MEF2A: variants seen among roughly 807,000 people sequenced by gnomAD.
The protein encoded by MEF2A is myocyte-specific enhancer factor 2A.
MEF2A carries 28 observed loss-of-function variants against 55.8 expected under a neutral mutation model. That is an observed-to-expected ratio of 0.50 (90% CI 0.37 to 0.69). MEF2A has a LOEUF of 0.69. MEF2A is among the 30% of genes least tolerant of loss of function. MEF2A has a pLI of 0.00. For synonymous variants in MEF2A, 239 were observed against 227.1 expected, an observed-to-expected ratio of 1.05 and a Z score of -0.47; for missense variants, 528 against 626.2, an observed-to-expected ratio of 0.84 and a Z score of 1.67.
chr15:99,688,524 G>A (rs552126286), intron 7 of MEF2A, among the ~76,000 whole-genome samples: 5 of 152,258 alleles, frequency 3.3e-5, no homozygotes, highest in African/African-American at 1.2e-4. Flanking sequence ...TTGGGAGGCC[G>A]AGGCGGGCAG....
chr15:99,619,528 A>T (rs1164739980), intron 2 of MEF2A, among the ~76,000 whole-genome samples: 1 of 152,196 alleles, frequency 6.6e-6, no homozygotes, highest in Non-Finnish European at 1.5e-5. Flanking sequence ...TGTGAAGTGT[A>T]TTGCTGTTGT....
rs200303929 is a variant in MEF2A at position 99,621,326 on chromosome 15, CT to C, written c.-142-11648del. On this transcript the variant is annotated intron_variant, in intron 2 of 11. Coordinates refer to ENST00000557942, the MANE Select transcript of MEF2A (RefSeq NM_001319206.4). Reference sequence around the variant, plus strand: ...ATTATTCCCCTGCCATATATTCACTCTTTTGATTGTGTTGGGATGAACATCC... The same window carrying C: ...ATTATTCCCCTGCCATATATTCACTCTTTGATTGTGTTGGGATGAACATCC... 8.3e-3 allele frequency among the ~76,000 whole-genome samples: 1,267 copies of C among 152,136 alleles called. 58 individuals are homozygous for C. The highest frequency in any genetic ancestry group is 0.072 in the Admixed American group (1,096 of 15,276).
intron 4 of MEF2A, among the ~76,000 whole-genome samples, chr15:99,649,119 A>G (rs888627164): frequency 1.3e-5 from 2 of 152,192 alleles, no homozygotes; most frequent in African/African-American, 2.4e-5. Context: ...TAGAGTTGAT[A>G]AAATTTAAAA....
chr15:99,576,488 ATTT>A (rs1349298795), intron 1 of MEF2A, among the ~76,000 whole-genome samples: 2 of 152,056 alleles, frequency 1.3e-5, no homozygotes, highest in Non-Finnish European at 2.9e-5. Flanking sequence ...ACCCAACATT[ATTT>A]TTATTACTTT....
chr15:99,608,650 G>A (rs992179368), intron 2 of MEF2A, among the ~76,000 whole-genome samples: 1 of 152,162 alleles, frequency 6.6e-6, no homozygotes. Context: ...TGTAATGTCA[G>A]CATTTTGGGA....
At chr15:99,588,995 C>G (rs1437085576) in intron 1 of MEF2A, among the ~76,000 whole-genome samples, 1 of 151,968 alleles carries the variant, frequency 6.6e-6, no homozygotes, top group Non-Finnish European at 1.5e-5. Context: ...GCCTCTATAC[C>G]CAAGTGACAC....
intron 1 of MEF2A, among the ~76,000 whole-genome samples, chr15:99,592,762 T>G (rs1969774504): frequency 6.6e-6 from 1 of 151,984 alleles, no homozygotes; most frequent in Non-Finnish European, 1.5e-5. Flanking sequence ...GAGAACTCAC[T>G]ACCAAGAGGA....
chr15:99,617,531 T>G (rs2040412751), intron 2 of MEF2A, among the ~76,000 whole-genome samples: 3 of 152,196 alleles, frequency 2.0e-5, no homozygotes, highest in Admixed American at 6.5e-5. Flanking sequence ...GGGAACAGAT[T>G]ATAATCAGCT....
At chr15:99,664,581 T>C (rs1461443181) in intron 4 of MEF2A, among the ~76,000 whole-genome samples, 1 of 151,796 alleles carries the variant, frequency 6.6e-6, no homozygotes, top group Non-Finnish European at 1.5e-5. Flanking sequence ...GATATAAGAG[T>C]CTAGACATAA....
intron 10 of MEF2A, among the ~76,000 whole-genome samples, chr15:99,708,627 C>G (rs1209925638): frequency 6.6e-6 from 1 of 152,184 alleles, no homozygotes; most frequent in Non-Finnish European, 1.5e-5. Context: ...CACATCTATT[C>G]AGCAAATATT....
Position 99,712,309 on chromosome 15 carries a change from C to G in MEF2A, c.1137-81C>G. 6.9e-7 allele frequency: 1 copy of G among 1,442,852 alleles called. No homozygotes were observed. The highest frequency in any genetic ancestry group is 9.1e-7 in the Non-Finnish European group (1 of 1,098,748). The allele number at this position is 1,442,852 out of a possible 1,614,324, so 89.4% of individuals were successfully genotyped here. A position where few individuals can be genotyped will look rare whatever the true frequency, so the allele number is the denominator to read the frequency against. On this transcript the variant is annotated intron_variant, in intron 11 of 11. Transcript: ENST00000557942. The surrounding 1 kb of genome is among the most constrained non-coding windows in gnomAD (Gnocchi z 4.1). ...TTTCAGACTCTGGGCCCTTTTCCAT[C>G]AGGCAGTGTCTCTACTGTATCATCC...
chr15:99,636,651 A>G (rs1464523958), intron 3 of MEF2A, among the ~76,000 whole-genome samples: 2 of 152,176 alleles, frequency 1.3e-5, no homozygotes, highest in African/African-American at 4.8e-5. Flanking sequence ...CACTTTCTTA[A>G]TGTTTTAAAA....
At chr15:99,691,731 A>G (rs1301879425) in intron 8 of MEF2A, among the ~76,000 whole-genome samples, 1 of 151,362 alleles carries the variant, frequency 6.6e-6, no homozygotes. Context: ...TGCATACCAC[A>G]GAACTATTGT....
intron 3 of MEF2A, among the ~76,000 whole-genome samples, chr15:99,640,088 G>T (rs867895555): frequency 1.3e-4 from 20 of 152,018 alleles, no homozygotes; most frequent in Non-Finnish European, 2.4e-4. Context: ...ATCAAGATTG[G>T]TTTTTTTAAA....
At chr15:99,695,874 G>T (rs1482137953) in intron 8 of MEF2A, among the ~76,000 whole-genome samples, 1 of 140,238 alleles carries the variant, frequency 7.1e-6, no homozygotes, top group Non-Finnish European at 1.6e-5. Context: ...AAAAAAAAAA[G>T]AAAAATGCTG....
chr15:99,703,245 T>C, intron 8 of MEF2A, 117 bp from the exon 9 acceptor site: 1 of 886,922 alleles, frequency 1.1e-6, no homozygotes, highest in Non-Finnish European at 1.8e-6. Context: ...TATAATCGTC[T>C]CTTTAGAGTT....
chr15:99,631,787 TAATG>T (rs1286210898), intron 2 of MEF2A, among the ~76,000 whole-genome samples: 2 of 152,016 alleles, frequency 1.3e-5, no homozygotes, highest in African/African-American at 4.8e-5. Flanking sequence ...AGAAATAAAA[TAATG>T]AGGGAAGATA....
chr15:99,571,161 G>A (rs574868018), intron 1 of MEF2A, among the ~76,000 whole-genome samples: 78 of 151,188 alleles, frequency 5.2e-4, no homozygotes, highest in Middle Eastern at 3.4e-3. Flanking sequence ...TCCAGCCTGG[G>A]TGATAGAATG....
At chr15:99,695,916 A>G (rs1161058329) in intron 8 of MEF2A, among the ~76,000 whole-genome samples, 1 of 152,176 alleles carries the variant, frequency 6.6e-6, no homozygotes, top group African/African-American at 2.4e-5. Context: ...ATATAAAGAC[A>G]TAGATAAAAG....
Sources: allele counts gnomAD v4.1 joint callset (sites outside exome capture counted in the v4.1 genomes callset), GRCh38; gene constraint gnomAD v4.1.1; non-coding constraint Gnocchi (gnomAD v3.1); transcripts MANE v1.5; gene names NCBI Gene and HGNC (gene_info 2026-07-23, HGNC 2026-07-21).